ATXN7: variants seen among roughly 807,000 people sequenced by gnomAD.
ATXN7 encodes ataxin 7.
In ATXN7, 12 loss-of-function variants were observed where a neutral mutation model predicts 70.5. That is an observed-to-expected ratio of 0.17 (90% CI 0.11 to 0.28). ATXN7 has a LOEUF of 0.28. Among genes scored for constraint, ATXN7 ranks in the 10% least tolerant of loss-of-function variants. The pLI, the probability that ATXN7 is intolerant of heterozygous loss-of-function variation, is 1.00. For missense variants in ATXN7, 1,256 were observed against 1,131.7 expected (o/e 1.11, Z -1.58); for synonymous variants, 498 against 448.7 (o/e 1.11, Z -1.39).
At chr3:63,993,390 C>A (rs1019288222) in intron 11 of ATXN7, among the ~76,000 whole-genome samples, 6 of 147,428 alleles carry the variant, frequency 4.1e-5, no homozygotes, top group Non-Finnish European at 8.9e-5. Flanking sequence ...GCAGAGCTTG[C>A]AGTGAGCCGA....
At chr3:63,934,284 C>T (rs1458052611) in intron 4 of ATXN7, among the ~76,000 whole-genome samples, 3 of 152,080 alleles carry the variant, frequency 2.0e-5, no homozygotes, top group South Asian at 4.2e-4. Context: ...GCCTCTTTGG[C>T]GCACAGTGTC....
intron 4 of ATXN7, among the ~76,000 whole-genome samples, chr3:63,950,633 A>G (rs1414629146): frequency 6.6e-6 from 1 of 152,224 alleles, no homozygotes; most frequent in African/African-American, 2.4e-5. Context: ...TTTATTTTTC[A>G]GAATGAAATG....
intron 5 of ATXN7, among the ~76,000 whole-genome samples, chr3:63,960,483 G>C (rs1245612125): frequency 6.6e-6 from 1 of 152,196 alleles, no homozygotes; most frequent in Non-Finnish European, 1.5e-5. Flanking sequence ...TTAGTGAGCT[G>C]TTTTATACTA....
At chr3:63,935,732 T>C (rs930035136) in intron 4 of ATXN7, among the ~76,000 whole-genome samples, 18 of 152,196 alleles carry the variant, frequency 1.2e-4, no homozygotes, top group African/African-American at 4.3e-4. Context: ...GTACAGTCTT[T>C]CACATGATGA....
intron 4 of ATXN7, among the ~76,000 whole-genome samples, chr3:63,919,368 C>T (rs1229989840): frequency 6.6e-6 from 1 of 152,080 alleles, no homozygotes; most frequent in African/African-American, 2.4e-5. Context: ...CTGATGAATT[C>T]CTTGGTTGAT....
At chr3:63,897,721 T>A (rs1400940174) in intron 1 of ATXN7, among the ~76,000 whole-genome samples, 2 of 152,322 alleles carry the variant, frequency 1.3e-5, no homozygotes, top group South Asian at 2.1e-4. Context: ...TATTTGTCGC[T>A]TTTTCTCTTC....
chr3:63,873,676 C>A (rs1702662895), intron 1 of ATXN7: 1 of 152,228 alleles, frequency 6.6e-6, no homozygotes. Flanking sequence ...GTTCACCCGT[C>A]TCCTTCCCAA....
chr3:63,997,146 T>C (rs2075773397), intron 12 of ATXN7, among the ~76,000 whole-genome samples: 1 of 152,094 alleles, frequency 6.6e-6, no homozygotes, highest in Non-Finnish European at 1.5e-5. Context: ...TAATCCCAGC[T>C]ACTCAGGAGG....
chr3:63,920,390 T>G (rs1029136383), intron 4 of ATXN7, among the ~76,000 whole-genome samples: 3 of 152,148 alleles, frequency 2.0e-5, no homozygotes, highest in Admixed American at 6.5e-5. Flanking sequence ...AAAAGTGAGG[T>G]AGCCCGCTAA....
intron 1 of ATXN7, among the ~76,000 whole-genome samples, chr3:63,892,727 G>T (rs1054065311): frequency 6.6e-6 from 1 of 152,160 alleles, no homozygotes; most frequent in African/African-American, 2.4e-5. Flanking sequence ...CTGGGTAGCC[G>T]TCAGGACCTG....
intron 1 of ATXN7, among the ~76,000 whole-genome samples, chr3:63,890,233 A>C (rs139650112): frequency 3.3e-4 from 50 of 152,344 alleles, no homozygotes; most frequent in African/African-American, 1.1e-3. Context: ...ACAGTAGAGA[A>C]AGAGTGAGAC....
intron 7 of ATXN7, 33 bp downstream of exon 7, chr3:63,982,478 C>T (rs2075505184): frequency 6.5e-7 from 1 of 1,526,760 alleles, no homozygotes; most frequent in South Asian, 1.2e-5. Context: ...CATAATGCTT[C>T]TCTATATATT....
At chr3:63,943,181 C>T (rs755189337) in intron 4 of ATXN7, among the ~76,000 whole-genome samples, 73 of 152,218 alleles carry the variant, frequency 4.8e-4, no homozygotes, top group Admixed American at 7.9e-4. Context: ...GCAGGCAAAG[C>T]ATTCCATACA....
rs2075749597 is a variant in ATXN7 at position 63,995,824 on chromosome 3, T to C, written c.2002T>C (p.Ser668Pro). The C allele has an allele frequency of 6.2e-7, 1 of 1,614,064 alleles. No homozygotes were observed. The highest frequency in any genetic ancestry group is 8.5e-7 in the Non-Finnish European group (1 of 1,180,042). The change falls in exon 12 of 13, where the codon TCC (serine) becomes CCC (proline). Residue 668 changes from serine to proline, a missense_variant. By Grantham distance (74) the Ser-to-Pro change is moderately conservative. Transcript: ENST00000674280. ...GLSSVPSSPM[S>P]RKPQKLKSSK... ...TTCCTCGGTTCCTTCCTCCCCCATG[T>C]CCAGGAAACCTCAGAAATTGAAATC...
rs1380881408 is a variant in ATXN7, at chr3:64,000,563, T to C, written c.*1096T>C. On this transcript the variant is annotated 3_prime_UTR_variant, in exon 13 of 13. Transcript: ENST00000674280. ...TGTAGATTTCTGCTTCAAGCACTTCTGGCATTGTGTGTTTTTGTATGCACT... is the reference window on the plus strand; with the variant it reads ...TGTAGATTTCTGCTTCAAGCACTTCCGGCATTGTGTGTTTTTGTATGCACT... 1.3e-5 allele frequency: 2 copies of C among 150,096 alleles called. No individual in the cohort carries two copies. The highest frequency in any genetic ancestry group is 4.9e-5 in the African/African-American group (2 of 40,564). The allele number at this position is 150,096 out of a possible 1,614,324, so 9.3% of individuals were successfully genotyped here.
At chr3:63,887,874 C>CT (rs1190357215) in intron 1 of ATXN7, among the ~76,000 whole-genome samples, 16 of 149,938 alleles carry the variant, frequency 1.1e-4, no homozygotes, top group African/African-American at 3.9e-4. Context: ...TCCTCAGCCT[C>CT]TGTCTTCTTT....
chr3:63,962,912 T>C (rs934004590), intron 5 of ATXN7, among the ~76,000 whole-genome samples: 2 of 150,604 alleles, frequency 1.3e-5, no homozygotes, highest in African/African-American at 2.4e-5. Flanking sequence ...GTATTTCTTT[T>C]TTTTTTTTTT....
intron 5 of ATXN7, among the ~76,000 whole-genome samples, chr3:63,978,097 T>A (rs189231697): frequency 6.6e-6 from 1 of 152,314 alleles, no homozygotes; most frequent in African/African-American, 2.4e-5. Flanking sequence ...CCTGGTCTAC[T>A]GTAGTGTCTC....
At chr3:63,958,118 C>T (rs958820094) in intron 5 of ATXN7, among the ~76,000 whole-genome samples, 1 of 152,118 alleles carries the variant, frequency 6.6e-6, no homozygotes, top group African/African-American at 2.4e-5. Context: ...ACTTTATGAA[C>T]GTAGTTTTAG....
Sources: gnomAD v4.1 joint callset for allele counts (sites outside exome capture counted in the v4.1 genomes callset) on GRCh38, gnomAD v4.1.1 for gene constraint, MANE v1.5 for transcripts, NCBI Gene and HGNC (gene_info 2026-07-23, HGNC 2026-07-21) for gene names.